Variants in DLG2 observed in about 807,000 individuals in gnomAD.
DLG2 encodes the protein disks large homolog 2.
Under a neutral mutation model 132.5 loss-of-function variants are expected in DLG2, and 45 were observed. The observed-to-expected ratio is 0.34, with a 90% CI of 0.27 to 0.44. DLG2 has a LOEUF of 0.44. Among genes scored for constraint, DLG2 ranks in the 20% least tolerant of loss-of-function variants. The probability of loss-of-function intolerance (pLI) is 1.00; values close to 1 mark genes in which losing one functional copy is unlikely to be tolerated. For synonymous variants in DLG2, 424 were observed against 419.6 expected, an observed-to-expected ratio of 1.01 and a Z score of -0.13; for missense variants, 1,045 against 1,196.9, an observed-to-expected ratio of 0.87 and a Z score of 1.87.
At chr11:83,810,356 T>C (rs191279562) in intron 17 of DLG2, among the ~76,000 whole-genome samples, 353 of 152,250 alleles carry the variant, frequency 2.3e-3, no homozygotes, top group African/African-American at 7.6e-3. Context: ...TTTATGTGTG[T>C]GTGTGTATGT....
At position 84,615,831 on chromosome 11, in the gene DLG2, A is replaced by C. The variant is rs898467902; in HGVS notation, c.358-81100T>G. On this transcript the variant is annotated intron_variant, in intron 6 of 27. Transcript: ENST00000376104. ...GGACAAAAACGGTAAAAAAAAAAAA[A>C]AAAAAAAAACTTCATTCCAGTACCC... Among the ~76,000 whole-genome samples the C allele has an allele frequency of 7.5e-5, 11 of 146,770 alleles. 1 individual carries two copies. Among genetic ancestry groups the C allele is most frequent in the Admixed American group, 2.7e-4 (4 of 14,834 alleles).
At chr11:84,555,153 C>A (rs2099409483) in intron 6 of DLG2, among the ~76,000 whole-genome samples, 3 of 152,056 alleles carry the variant, frequency 2.0e-5, no homozygotes, top group Non-Finnish European at 2.9e-5. Flanking sequence ...AGTGATATGA[C>A]CTGATATATA....
intron 18 of DLG2, among the ~76,000 whole-genome samples, chr11:83,760,893 T>G (rs2093877266): frequency 6.6e-6 from 1 of 152,216 alleles, no homozygotes; most frequent in Non-Finnish European, 1.5e-5. Flanking sequence ...CATCATGGGT[T>G]GTCTCTATAA....
chr11:83,496,143 A>G (rs972457360), intron 21 of DLG2, among the ~76,000 whole-genome samples: 2 of 151,100 alleles, frequency 1.3e-5, no homozygotes, highest in African/African-American at 4.8e-5. Flanking sequence ...TAGAAAAACC[A>G]ATAAAAAATG....
chr11:83,475,580 T>C (rs1336143683), intron 22 of DLG2, among the ~76,000 whole-genome samples: 1 of 146,660 alleles, frequency 6.8e-6, no homozygotes, highest in East Asian at 2.2e-4. Flanking sequence ...GGTGGGTGGG[T>C]GTTGAGGTAA....
chr11:85,338,914 A>G lies in DLG2; in HGVS notation c.41-53549T>C, dbSNP rs1426776426. Among the ~76,000 whole-genome samples the G allele has an allele frequency of 3.9e-5, 6 of 151,960 alleles. No individual in the cohort carries two copies. In the East Asian group the frequency reaches 1.2e-3, roughly 30 times the overall value. On this transcript the variant is annotated intron_variant, in intron 3 of 27. Coordinates refer to ENST00000376104, the MANE Select transcript of DLG2 (RefSeq NM_001142699.3). The stretch of plus-strand genomic sequence containing the variant: ...AGAGACGGGGTTTCACCGTGGTCTC[A>G]ATCTCCTGACCTCGTGATCCGCCCG...
At chr11:84,545,472 C>G (rs1272162605) in intron 6 of DLG2, 1 of 422,262 alleles carries the variant, frequency 2.4e-6, no homozygotes, top group Non-Finnish European at 4.6e-6. Context: ...ACCTCCACAA[C>G]CACCACCAAA....
At chr11:84,333,013 A>G (rs2098468199) in intron 7 of DLG2, among the ~76,000 whole-genome samples, 1 of 152,100 alleles carries the variant, frequency 6.6e-6, no homozygotes, top group Admixed American at 6.5e-5. Context: ...AGCTTTATAC[A>G]CCTGGATGTC....
At chr11:84,059,691 T>G (rs192818891) in intron 10 of DLG2, among the ~76,000 whole-genome samples, 2 of 152,314 alleles carry the variant, frequency 1.3e-5, no homozygotes, top group Admixed American at 1.3e-4. Context: ...TAACCACTTT[T>G]GACCATACTA....
intron 22 of DLG2, among the ~76,000 whole-genome samples, chr11:83,478,286 T>C (rs2092787907): frequency 6.6e-6 from 1 of 152,090 alleles, no homozygotes; most frequent in Non-Finnish European, 1.5e-5. Context: ...TGTTCATTTG[T>C]AAAGAAAACA....
At chr11:85,362,765 T>C (rs1179299894) in intron 3 of DLG2, among the ~76,000 whole-genome samples, 3 of 152,196 alleles carry the variant, frequency 2.0e-5, no homozygotes, top group South Asian at 2.1e-4. Context: ...TTTTTCTTTT[T>C]TGAAATTATT....
chr11:85,191,158 G>GCACACACA lies in DLG2; in HGVS notation c.187-36508_187-36507insTGTGTGTG, dbSNP rs531319092. 3.3e-4 allele frequency among the ~76,000 whole-genome samples: 37 copies of GCACACACA among 113,424 alleles called. No individual in the cohort carries two copies. In the East Asian group the frequency reaches 6.5e-3, roughly 20 times the overall value. The allele number at this position is 113,424 out of a possible 152,430, so 74.4% of individuals were successfully genotyped here. On this transcript the variant is annotated intron_variant, in intron 4 of 27. Transcript: ENST00000376104. ...TCTATATGCATGCGCGCGCGCGCACGCGCGCACACACACACACACACACAC... is the reference window on the plus strand; with the variant it reads ...TCTATATGCATGCGCGCGCGCGCACGCACACACACGCGCACACACACACACACACACAC...
At chr11:83,530,662 A>G (rs2095717114) in intron 21 of DLG2, among the ~76,000 whole-genome samples, 1 of 152,024 alleles carries the variant, frequency 6.6e-6, no homozygotes, top group Admixed American at 6.6e-5. Flanking sequence ...GAAAGACCGA[A>G]TGCATTTCTG....
At chr11:83,506,147 A>G (rs2094688629) in intron 21 of DLG2, among the ~76,000 whole-genome samples, 1 of 152,224 alleles carries the variant, frequency 6.6e-6, no homozygotes, top group Non-Finnish European at 1.5e-5. Flanking sequence ...GATGACCCGT[A>G]GTCAAACGTT....
At chr11:84,202,167 C>T (rs2096604837) in intron 8 of DLG2, among the ~76,000 whole-genome samples, 1 of 151,792 alleles carries the variant, frequency 6.6e-6, no homozygotes, top group African/African-American at 2.4e-5. Flanking sequence ...CCAAGACAAT[C>T]CAAGCAGAAA....
chr11:83,695,115 C>A (rs915743641), intron 18 of DLG2, among the ~76,000 whole-genome samples: 4 of 152,168 alleles, frequency 2.6e-5, no homozygotes, highest in African/African-American at 4.8e-5. Flanking sequence ...AACTATCATT[C>A]CATGTGAGGC....
intron 6 of DLG2, among the ~76,000 whole-genome samples, chr11:84,607,465 G>A (rs11824907): frequency 6.6e-6 from 1 of 151,996 alleles, no homozygotes; most frequent in Non-Finnish European, 1.5e-5. Flanking sequence ...AAGATTTTTG[G>A]GGGGGCAGGG....
intron 11 of DLG2, among the ~76,000 whole-genome samples, chr11:84,036,821 G>A (rs952691053): frequency 1.3e-5 from 2 of 152,102 alleles, no homozygotes; most frequent in African/African-American, 2.4e-5. Context: ...AATGAATACA[G>A]ACTAATTTCA....
chr11:85,009,816 A>C (rs1050091788), intron 6 of DLG2, among the ~76,000 whole-genome samples: 2 of 152,078 alleles, frequency 1.3e-5, no homozygotes, highest in African/African-American at 4.8e-5. Flanking sequence ...ACATAGTTTA[A>C]AAGAGAAACT....
Sources: allele counts gnomAD v4.1 joint callset (sites outside exome capture counted in the v4.1 genomes callset), GRCh38; gene constraint gnomAD v4.1.1; transcripts MANE v1.5; gene names NCBI Gene and HGNC (gene_info 2026-07-23, HGNC 2026-07-21).